DOCK7: variants seen among roughly 807,000 people sequenced by gnomAD.
DOCK7 encodes dedicator of cytokinesis 7.
A neutral mutation model predicts 271.0 loss-of-function variants in DOCK7; 138 were observed. That is an observed-to-expected ratio of 0.51 (90% CI 0.44 to 0.59). DOCK7 has a LOEUF of 0.59. Ranked by LOEUF, DOCK7 falls within the 20% of genes least tolerant of loss-of-function variation. The probability of loss-of-function intolerance (pLI) is 0.00; values close to 1 mark genes in which losing one functional copy is unlikely to be tolerated. For synonymous variants in DOCK7, 823 were observed against 876.1 expected, an observed-to-expected ratio of 0.94 and a Z score of 1.07; for missense variants, 2,066 against 2,592.4, an observed-to-expected ratio of 0.80 and a Z score of 4.41.
At chr1:62,653,466 A>G (rs908463924) in intron 4 of DOCK7, among the ~76,000 whole-genome samples, 2 of 152,194 alleles carry the variant, frequency 1.3e-5, no homozygotes, top group Non-Finnish European at 2.9e-5. Context: ...CCACAAAATC[A>G]TTATCATACA....
intron 48 of DOCK7, chr1:62,458,160 T>C (rs1311475718): frequency 8.1e-5 from 8 of 98,450 alleles, no homozygotes; most frequent in Non-Finnish European, 1.8e-4. Context: ...AACGTGGGTG[T>C]GTGTGTGTGT....
chr1:62,530,752 G>C (rs1327799312), intron 29 of DOCK7: 1 of 154,362 alleles, frequency 6.5e-6, no homozygotes, highest in Non-Finnish European at 1.5e-5. Flanking sequence ...AGCTCGCTCA[G>C]AAACACAACT....
At chr1:62,472,746 T>C (rs1270825975) in intron 48 of DOCK7, among the ~76,000 whole-genome samples, 1 of 152,226 alleles carries the variant, frequency 6.6e-6, no homozygotes, top group Non-Finnish European at 1.5e-5. Context: ...AACAGGTTTC[T>C]TTCTATTACT....
In DOCK7 at chr1:62,585,196, C is replaced by T. The variant is rs190117144; in HGVS notation, c.1800+1311G>A. On this transcript the variant is annotated intron_variant, in intron 15 of 49. Coordinates refer to ENST00000635253, the MANE Select transcript of DOCK7 (RefSeq NM_001367561.1). Reference sequence around the variant, plus strand: ...GCAATAATCTGAAAAAAATGCCATACGAGAATACAAAGATGAATAATTTGT... The same window carrying T: ...GCAATAATCTGAAAAAAATGCCATATGAGAATACAAAGATGAATAATTTGT... Among the ~76,000 whole-genome samples the T allele has an allele frequency of 3.9e-5, 6 of 151,932 alleles. No individual in the cohort carries two copies. The East Asian group carries it at 5.8e-4, about 15-fold the overall frequency.
intron 48 of DOCK7, among the ~76,000 whole-genome samples, chr1:62,463,250 A>G (rs984908520): frequency 2.0e-5 from 3 of 152,202 alleles, no homozygotes; most frequent in Non-Finnish European, 4.4e-5. Flanking sequence ...AATCAGGGAA[A>G]TGCAAATTTA....
At chr1:62,531,225 A>G (rs1645164782) in intron 29 of DOCK7, among the ~76,000 whole-genome samples, 1 of 152,198 alleles carries the variant, frequency 6.6e-6, no homozygotes, top group Non-Finnish European at 1.5e-5. Context: ...AATGTTTGCC[A>G]AAGGTATGCC....
chr1:62,627,598 G>A (rs527627567), intron 11 of DOCK7: 1 of 151,970 alleles, frequency 6.6e-6, no homozygotes, highest in East Asian at 1.9e-4. Context: ...CACTAGAAAT[G>A]GACTTTCTAA....
At chr1:62,662,382 T>TAATA (rs1161028369) in intron 2 of DOCK7, among the ~76,000 whole-genome samples, 1 of 152,024 alleles carries the variant, frequency 6.6e-6, no homozygotes, top group Admixed American at 6.5e-5. Context: ...AGGGGACAGA[T>TAATA]AATACTACAA....
intron 24 of DOCK7, among the ~76,000 whole-genome samples, chr1:62,543,051 C>T (rs56033848): frequency 1.8e-4 from 28 of 152,088 alleles, no homozygotes; most frequent in Non-Finnish European, 3.7e-4. Flanking sequence ...TTTAAACATA[C>T]GCAAATACAT....
chr1:62,601,067 A>C, intron 14 of DOCK7: 2 of 1,442,138 alleles, frequency 1.4e-6, no homozygotes, highest in Non-Finnish European at 2.0e-6. Flanking sequence ...AAACAGATTT[A>C]TATTCTTTTA....
At position 62,554,440 on chromosome 1, in the gene DOCK7, C is replaced by G. The variant is rs187378936; in HGVS notation, c.2596+1385G>C. Reference sequence around the variant, plus strand: ...TGAGCCAATATTGCGCCATTGCACTCCAGCCTGGGCAACAGAGTGAGACTC... The same window carrying G: ...TGAGCCAATATTGCGCCATTGCACTGCAGCCTGGGCAACAGAGTGAGACTC... On this transcript the variant is annotated intron_variant, in intron 21 of 49. Transcript: ENST00000635253. 4.6e-3 allele frequency among the ~76,000 whole-genome samples: 590 copies of G among 128,734 alleles called. 2 individuals are homozygous for G. The highest frequency in any genetic ancestry group is 6.2e-3 in the Non-Finnish European group (397 of 64,336). The allele number at this position is 128,734 out of a possible 152,430, so 84.5% of individuals were successfully genotyped here.
intron 48 of DOCK7, among the ~76,000 whole-genome samples, chr1:62,468,601 T>A (rs1295222706): frequency 6.6e-6 from 1 of 152,036 alleles, no homozygotes; most frequent in Non-Finnish European, 1.5e-5. Context: ...CAAATCCAAA[T>A]CGGTAAAGAT....
At chr1:62,587,299 TAAA>T in intron 14 of DOCK7, among the ~76,000 whole-genome samples, 1,590 of 41,804 alleles carry the variant, frequency 0.038, 17 homozygotes, top group African/African-American at 0.11. Flanking sequence ...ACCAAATAGC[TAAA>T]AAAAAAAAAA....
At chr1:62,587,384 A>G (rs554804076) in intron 14 of DOCK7, among the ~76,000 whole-genome samples, 2 of 151,896 alleles carry the variant, frequency 1.3e-5, no homozygotes, top group African/African-American at 4.8e-5. Context: ...GACGTTTAGT[A>G]TAATAGAACC....
intron 48 of DOCK7, among the ~76,000 whole-genome samples, chr1:62,471,879 A>T (rs1645840371): frequency 6.6e-6 from 1 of 152,200 alleles, no homozygotes; most frequent in African/African-American, 2.4e-5. Context: ...ACTACAGTAT[A>T]TTAATTTGAA....
intron 37 of DOCK7, among the ~76,000 whole-genome samples, chr1:62,497,961 T>G (rs1197041191): frequency 6.6e-6 from 1 of 151,872 alleles, no homozygotes; most frequent in Non-Finnish European, 1.5e-5. Flanking sequence ...CATCAAAAAG[T>G]GCTTTTAAAA....
intron 31 of DOCK7, among the ~76,000 whole-genome samples, chr1:62,521,676 A>G (rs1644855337): frequency 6.6e-6 from 1 of 152,244 alleles, no homozygotes; most frequent in Admixed American, 6.5e-5. Context: ...AAAATTTACA[A>G]AAATCAGTTG....
chr1:62,493,145 T>C (rs1330044078), intron 40 of DOCK7, among the ~76,000 whole-genome samples: 2 of 152,114 alleles, frequency 1.3e-5, no homozygotes, highest in African/African-American at 4.8e-5. Flanking sequence ...GAGACATCAA[T>C]AGTCTTTCTT....
intron 1 of DOCK7, among the ~76,000 whole-genome samples, chr1:62,672,796 G>T (rs374817076): frequency 6.6e-6 from 1 of 152,044 alleles, no homozygotes; most frequent in East Asian, 1.9e-4. Context: ...GTAGAGGCAG[G>T]GTTTGAATTC....
Sources: gnomAD v4.1 joint callset for allele counts (sites outside exome capture counted in the v4.1 genomes callset) on GRCh38, gnomAD v4.1.1 for gene constraint, MANE v1.5 for transcripts, NCBI Gene and HGNC (gene_info 2026-07-23, HGNC 2026-07-21) for gene names.